The following C2CD4D variants were observed in gnomAD, a reference collection of about 807,000 sequenced individuals.
The protein encoded by C2CD4D is C2 calcium dependent domain containing 4D, also known as C2 calcium-dependent domain-containing protein 4D.
Under a neutral mutation model 0.2 loss-of-function variants are expected in C2CD4D, and 1 was observed. The observed-to-expected ratio is 4.00, with a 90% CI of 1.42 to 18.99. The LOEUF (loss-of-function observed/expected upper bound fraction) is 18.99, where lower values mean the gene tolerates loss of function less well. C2CD4D is among the 30% of genes most tolerant of loss of function. The pLI, the probability that C2CD4D is intolerant of heterozygous loss-of-function variation, is 0.11. For synonymous variants in C2CD4D, 269 were observed against 279.8 expected (o/e 0.96, Z 0.39); for missense variants, 552 against 551.2 (o/e 1.00, Z -0.01).
chr1:151,839,045 C>T, exon 2 of C2CD4D: 7 of 1,534,550 alleles, frequency 4.6e-6, no homozygotes, highest in Non-Finnish European at 6.2e-6. Context: ...GGTCCAAATC[C>T]CGTCTCAGAT....
At chr1:151,838,552 C>T (rs1652657576) in exon 2 of C2CD4D, 1 of 1,321,160 alleles carries the variant, frequency 7.6e-7, no homozygotes, top group Middle Eastern at 2.7e-4. Context: ...GCGACGAGTC[C>T]GGCGACGAGG....
chr1:151,838,896 G>T (rs752385267), exon 2 of C2CD4D: 7 of 1,547,128 alleles, frequency 4.5e-6, no homozygotes, highest in Middle Eastern at 1.7e-4. Flanking sequence ...GGCGGGCCCG[G>T]GGCGCGACGC....
At chr1:151,839,199 A>G in exon 2 of C2CD4D, 2 of 554,138 alleles carry the variant, frequency 3.6e-6, no homozygotes, top group Non-Finnish European at 6.3e-6. Context: ...CAGAAAAAGA[A>G]AGGGCGGCGC....
chr1:151,838,617 G>C (rs1282189128), exon 2 of C2CD4D: 2 of 1,316,952 alleles, frequency 1.5e-6, no homozygotes, highest in Non-Finnish European at 1.9e-6. Context: ...GAGACGTGCA[G>C]CCGGGACTGC....
chr1:151,839,153 C>G (rs942883535), exon 2 of C2CD4D: 2 of 705,012 alleles, frequency 2.8e-6, no homozygotes, highest in Non-Finnish European at 4.5e-6. Flanking sequence ...GCGCCCCGGT[C>G]TCCGGACCCA....
chr1:151,838,425 G>A lies in C2CD4D; in HGVS notation c.565C>T (p.Pro189Ser). ...AGGTGGAAGAGCGGCGGCGTGGGCG[G>A]CCCGGCGCGGCGCGGCGAGTGCGGG... The change falls in exon 2 of 2, where the codon CCG becomes TCG. Residue 189 changes from proline (P) to serine (S), a missense_variant. By Grantham distance (74) the Pro-to-Ser change is moderately conservative. Transcript: ENST00000454109. 1.4e-6 allele frequency: 2 copies of A among 1,423,254 alleles called. No individual in the cohort carries two copies. Among genetic ancestry groups the A allele is most frequent in the African/African-American group, 3.0e-5 (2 of 66,894 alleles). The allele number at this position is 1,423,254 out of a possible 1,614,324, so 88.2% of individuals were successfully genotyped here. A position where few individuals can be genotyped will look rare whatever the true frequency, so the allele number is the denominator to read the frequency against.
chr1:151,840,481 C>T (rs1300712304), exon 1 of C2CD4D: 1 of 152,322 alleles, frequency 6.6e-6, no homozygotes, highest in African/African-American at 2.4e-5. Flanking sequence ...GCCTTGGCCC[C>T]CAGTGCCCTG....
exon 2 of C2CD4D, chr1:151,838,392 G>A (rs1652646271): frequency 6.9e-7 from 1 of 1,441,890 alleles, no homozygotes; most frequent in East Asian, 3.1e-5. Flanking sequence ...TGGCAGCACA[G>A]GAAGTCCAGG....
At chr1:151,838,537 G>A (rs1485232568) in exon 2 of C2CD4D, 2 of 1,334,888 alleles carry the variant, frequency 1.5e-6, no homozygotes, top group East Asian at 6.2e-5. Context: ...GCGGGGAGCC[G>A]AAGGGCGACG....
chr1:151,839,220 G>T lies in C2CD4D; in HGVS notation c.-231C>A, dbSNP rs138547601. On this transcript the variant is annotated splice_region_variant and 5_prime_UTR_variant, in exon 2 of 2. Transcript: ENST00000454109. Reference sequence around the variant, plus strand: ...AAGAAAGGGCGGCGCAGTCTGGGGGGCTGGGGAGAAATGGAGGGAGCAAAG... The same window carrying T: ...AAGAAAGGGCGGCGCAGTCTGGGGGTCTGGGGAGAAATGGAGGGAGCAAAG... 630 of 544,340 alleles carry T rather than the reference G, an allele frequency of 1.2e-3. 5 individuals are homozygous for T. In the East Asian group the frequency reaches 0.02, roughly 17 times the overall value. 33.7% of individuals were successfully genotyped at this position (544,340 alleles called of 1,614,324 possible).
rs1401899423 is a variant in C2CD4D, at chr1:151,838,806, C to T, written c.184G>A (p.Gly62Ser). 1.4e-5 allele frequency: 19 copies of T among 1,403,040 alleles called. No homozygotes were observed. Among genetic ancestry groups the T allele is most frequent in the Non-Finnish European group, 1.8e-5 (19 of 1,083,354 alleles). The allele number at this position is 1,403,040 out of a possible 1,614,324, so 86.9% of individuals were successfully genotyped here. Residue 62 changes from glycine (G) to serine (S), a missense_variant, in exon 2 of 2, where the codon GGC (glycine) becomes AGC (serine). Coordinates refer to ENST00000454109, the Ensembl canonical transcript of C2CD4D. Reference sequence around the variant, plus strand: ...TGCCGCCGGGCCGCGGGCACTGCGCCGCCCGGGTCCGGGAGCCGAGGCGGG... The same window carrying T: ...TGCCGCCGGGCCGCGGGCACTGCGCTGCCCGGGTCCGGGAGCCGAGGCGGG...
At chr1:151,838,701 T>C (rs1378932972) in exon 2 of C2CD4D, 12 of 1,373,692 alleles carry the variant, frequency 8.7e-6, no homozygotes, top group Non-Finnish European at 1.1e-5. Flanking sequence ...GTGTGCGGGC[T>C]CTCGGGCAGG....
exon 2 of C2CD4D, chr1:151,839,053 G>A (rs996329236): frequency 8.1e-5 from 123 of 1,518,034 alleles, no homozygotes; most frequent in Non-Finnish European, 1.1e-4. Flanking sequence ...TCCCGTCTCA[G>A]ATGGGAGTGC....
exon 2 of C2CD4D, chr1:151,837,907 T>C (rs1652621048): frequency 6.0e-6 from 9 of 1,498,506 alleles, no homozygotes; most frequent in Non-Finnish European, 8.1e-6. Context: ...GGAGACGTCC[T>C]GAGGAAGCCA....
rs190542225 is a variant in C2CD4D at position 151,838,561 on chromosome 1, G to T, written c.429C>A (p.Ala143=). 2.5e-5 allele frequency: 33 copies of T among 1,318,272 alleles called. No homozygotes were observed. The East Asian group carries it at 1.0e-3, about 40-fold the overall frequency. The allele number at this position is 1,318,272 out of a possible 1,614,324, so 81.7% of individuals were successfully genotyped here. Residue 143 remains alanine (A), a synonymous_variant, in exon 2 of 2, where the codon GCC becomes GCA. Coordinates refer to ENST00000454109, the Ensembl canonical transcript of C2CD4D. ...CGAAGGGCGACGAGTCCGGCGACGA[G>T]GCCGTGTCGCTGTCGGGGGCCCGGC... is the stretch of plus-strand genomic sequence containing the variant.
At chr1:151,839,114 T>C (rs1652695225) in exon 2 of C2CD4D, 3 of 1,132,478 alleles carry the variant, frequency 2.6e-6, no homozygotes, top group African/African-American at 1.6e-5. Flanking sequence ...AGGTGAGTGA[T>C]GCTGGCGTAC....
chr1:151,838,944 G>T, exon 2 of C2CD4D: 1 of 1,550,084 alleles, frequency 6.5e-7, no homozygotes, highest in East Asian at 2.5e-5. Flanking sequence ...CGGGCCGCAG[G>T]CTCCGCGGCC....
At chr1:151,839,194 A>C in exon 2 of C2CD4D, 1 of 562,894 alleles carries the variant, frequency 1.8e-6, no homozygotes, top group South Asian at 2.2e-5. Flanking sequence ...TTGAGCAGAA[A>C]AAGAAAGGGC....
In C2CD4D at chr1:151,838,697, G is replaced by T. The variant is rs1191682185; in HGVS notation, c.293C>A (p.Pro98Gln). The T allele has an allele frequency of 8.0e-6, 11 of 1,372,766 alleles. No individual in the cohort carries two copies. In the South Asian group the frequency reaches 1.7e-4, roughly 21 times the overall value. The allele number at this position is 1,372,766 out of a possible 1,614,324, so 85.0% of individuals were successfully genotyped here. ...CAGGGATTCCCGCCGGCGCGTGTGC[G>T]GGCTCTCGGGCAGGAAGGCCCAGCC... The change falls in exon 2 of 2, where the codon CCG becomes CAG. Residue 98 changes from proline to glutamine, a missense_variant. Pro to Gln is a moderately conservative substitution (Grantham distance 76). Coordinates refer to ENST00000454109, the Ensembl canonical transcript of C2CD4D.
Sources: allele counts gnomAD v4.1 joint callset, GRCh38; gene constraint gnomAD v4.1.1; transcripts MANE v1.5; gene names NCBI Gene and HGNC (gene_info 2026-07-23, HGNC 2026-07-21).